The following MAGI2 variants were observed in gnomAD, a reference collection of about 807,000 sequenced individuals.
The protein encoded by MAGI2 is membrane-associated guanylate kinase, WW and PDZ domain-containing protein 2.
MAGI2 carries 35 observed loss-of-function variants against 133.3 expected under a neutral mutation model. The ratio of observed to expected loss-of-function variants is 0.26; its 90% CI spans 0.20 to 0.35. The LOEUF is 0.35. Ranked by LOEUF, MAGI2 falls within the 10% of genes least tolerant of loss-of-function variation. The pLI is 1.00. For synonymous variants in MAGI2, 729 were observed against 710.6 expected, an observed-to-expected ratio of 1.03 and a Z score of -0.41; for missense variants, 1,636 against 1,863.4, an observed-to-expected ratio of 0.88 and a Z score of 2.25.
intron 6 of MAGI2, among the ~76,000 whole-genome samples, chr7:78,372,137 T>A (rs11765053): frequency 0.054 from 8,198 of 152,220 alleles, 323 homozygotes; most frequent in South Asian, 0.095. Flanking sequence ...TATTCTTTTA[T>A]TGACATTTTG....
intron 9 of MAGI2, among the ~76,000 whole-genome samples, chr7:78,258,889 C>T (rs1465160475): frequency 6.6e-6 from 1 of 152,124 alleles, no homozygotes; most frequent in Admixed American, 6.6e-5. Flanking sequence ...TTGAAAATAA[C>T]TCTGCTATGA....
chr7:78,649,242 A>AAAAAAAAAAG (rs1554512645), intron 2 of MAGI2, among the ~76,000 whole-genome samples: 1 of 149,546 alleles, frequency 6.7e-6, no homozygotes. Flanking sequence ...AAAAGAAAAA[A>AAAAAAAAAAG]AAAGAAAAAA....
chr7:79,037,247 T>G (rs890937491), intron 1 of MAGI2, among the ~76,000 whole-genome samples: 1 of 152,178 alleles, frequency 6.6e-6, no homozygotes, highest in African/African-American at 2.4e-5. Flanking sequence ...TCAAATAAAT[T>G]TGACAGTCAT....
At chr7:78,207,715 T>G (rs117222114) in intron 10 of MAGI2, among the ~76,000 whole-genome samples, 1 of 152,176 alleles carries the variant, frequency 6.6e-6, no homozygotes, top group East Asian at 1.9e-4. Context: ...GAAACTGACC[T>G]AGGCTAAGAA....
intron 7 of MAGI2, among the ~76,000 whole-genome samples, chr7:78,347,820 A>C (rs1791070473): frequency 6.6e-6 from 1 of 152,188 alleles, no homozygotes; most frequent in Non-Finnish European, 1.5e-5. Context: ...TTCCCACTGG[A>C]AATAAAACGT....
At chr7:78,348,798 CA>C (rs998885508) in intron 7 of MAGI2, among the ~76,000 whole-genome samples, 2 of 152,086 alleles carry the variant, frequency 1.3e-5, no homozygotes, top group African/African-American at 4.8e-5. Flanking sequence ...CAAAAGTAAA[CA>C]AAATTAGGTT....
chr7:78,573,362 G>A (rs1389447328), intron 3 of MAGI2, among the ~76,000 whole-genome samples: 16 of 27,038 alleles, frequency 5.9e-4, no homozygotes, highest in African/African-American at 3.7e-3. Context: ...AGAGAATCCT[G>A]GAAATATATA....
chr7:78,753,762 T>C (rs1370061787), intron 2 of MAGI2, among the ~76,000 whole-genome samples: 2 of 151,964 alleles, frequency 1.3e-5, no homozygotes, highest in Non-Finnish European at 2.9e-5. Flanking sequence ...TCTCAACTTT[T>C]TGAAAACGAT....
intron 2 of MAGI2, among the ~76,000 whole-genome samples, chr7:78,728,360 G>A (rs1255369892): frequency 1.3e-5 from 2 of 152,002 alleles, no homozygotes; most frequent in Non-Finnish European, 2.9e-5. Context: ...TCTATCATAT[G>A]CTATACCCGC....
intron 2 of MAGI2, among the ~76,000 whole-genome samples, chr7:78,792,377 A>G (rs1329859675): frequency 6.6e-6 from 1 of 152,228 alleles, no homozygotes; most frequent in African/African-American, 2.4e-5. Flanking sequence ...CACCTTATAT[A>G]ATTATTTAAA....
intron 9 of MAGI2, among the ~76,000 whole-genome samples, chr7:78,279,286 CAT>C (rs1175647154): frequency 6.9e-6 from 1 of 145,168 alleles, no homozygotes; most frequent in East Asian, 2.1e-4. Flanking sequence ...TTTGATGAGA[CAT>C]AGTCCAAAAA....
rs551162092 is a variant in MAGI2, at chr7:78,275,922, A to G, written c.1409-19341T>C. 3.3e-5 allele frequency among the ~76,000 whole-genome samples: 5 copies of G among 152,210 alleles called. No individual in the cohort carries two copies. The South Asian group carries it at 8.3e-4, about 25-fold the overall frequency. On this transcript the variant is annotated intron_variant, in intron 9 of 21. Coordinates refer to ENST00000354212, the MANE Select transcript of MAGI2 (RefSeq NM_012301.4). ...ACGTAATATCTTTTTTGTACACTGT[A>G]TTTTCAGTTTTAGTTACACAGACAT...
chr7:79,324,668 A>T (rs371147910), intron 1 of MAGI2, among the ~76,000 whole-genome samples: 3 of 3,614 alleles, frequency 8.3e-4, no homozygotes, highest in Non-Finnish European at 7.5e-4. Flanking sequence ...TATATATATA[A>T]AATATATATA....
intron 21 of MAGI2, among the ~76,000 whole-genome samples, chr7:78,033,648 A>AAG (rs1809853759): frequency 6.6e-6 from 1 of 152,156 alleles, no homozygotes; most frequent in Admixed American, 6.5e-5. Context: ...AGTGGGTGGG[A>AAG]AGAGAACAGA....
chr7:79,397,477 C>A (rs1845144132), intron 1 of MAGI2, among the ~76,000 whole-genome samples: 1 of 151,642 alleles, frequency 6.6e-6, no homozygotes, highest in African/African-American at 2.4e-5. Flanking sequence ...CTGATTATTT[C>A]CAGAGGTAAG....
intron 1 of MAGI2, among the ~76,000 whole-genome samples, chr7:79,120,463 A>G (rs1278849015): frequency 1.3e-5 from 2 of 152,082 alleles, no homozygotes; most frequent in Non-Finnish European, 2.9e-5. Flanking sequence ...CAATGTAAAC[A>G]TTCCTAAATC....
chr7:79,431,958 T>A (rs1461654490), intron 1 of MAGI2, among the ~76,000 whole-genome samples: 1 of 152,196 alleles, frequency 6.6e-6, no homozygotes, highest in Non-Finnish European at 1.5e-5. Flanking sequence ...TCTCTCTCCA[T>A]AAGCTTCCTC....
At chr7:78,721,611 A>T (rs903175644) in intron 2 of MAGI2, among the ~76,000 whole-genome samples, 8 of 151,988 alleles carry the variant, frequency 5.3e-5, no homozygotes, top group Non-Finnish European at 1.0e-4. Context: ...TAGTCATTCC[A>T]ATTTTTTCCA....
intron 1 of MAGI2, among the ~76,000 whole-genome samples, chr7:79,422,766 C>T (rs1847063076): frequency 6.6e-6 from 1 of 151,862 alleles, no homozygotes; most frequent in Admixed American, 6.6e-5. Flanking sequence ...AAAACACAGC[C>T]CGACTCTGGG....
Sources: gnomAD v4.1 joint callset for allele counts (sites outside exome capture counted in the v4.1 genomes callset) on GRCh38, gnomAD v4.1.1 for gene constraint, MANE v1.5 for transcripts, NCBI Gene and HGNC (gene_info 2026-07-23, HGNC 2026-07-21) for gene names.